The following MCMBP variants were observed in gnomAD, a reference collection of about 807,000 sequenced individuals.
The protein encoded by MCMBP is mini-chromosome maintenance complex-binding protein.
MCMBP carries 31 observed loss-of-function variants against 81.3 expected under a neutral mutation model. That is an observed-to-expected ratio of 0.38 (90% CI 0.29 to 0.51). The LOEUF is 0.51. Among genes scored for constraint, MCMBP ranks in the 20% least tolerant of loss-of-function variants. The pLI is 0.87. For missense variants in MCMBP, 645 were observed against 772.1 expected (o/e 0.84, Z 1.95); for synonymous variants, 267 against 275.9 (o/e 0.97, Z 0.32).
chr10:119,849,651 T>C, intron 6 of MCMBP, 75 bp from the exon 7 acceptor site: 1 of 1,390,694 alleles, frequency 7.2e-7, no homozygotes. Flanking sequence ...CATAAGTGCC[T>C]TTCAAGTTTG....
At chr10:119,872,232 C>T (rs1456607371) in intron 1 of MCMBP, among the ~76,000 whole-genome samples, 1 of 151,874 alleles carries the variant, frequency 6.6e-6, no homozygotes, top group African/African-American at 2.4e-5. Flanking sequence ...AGGCTGGGAG[C>T]GAGGCCGTCA....
intron 6 of MCMBP, among the ~76,000 whole-genome samples, chr10:119,850,266 C>G (rs566594448): frequency 5.3e-5 from 8 of 152,146 alleles, no homozygotes; most frequent in Admixed American, 1.3e-4. Context: ...CAATTCCATT[C>G]TTAAAATGAC....
At chr10:119,837,436 C>T (rs1005816172) in intron 12 of MCMBP, among the ~76,000 whole-genome samples, 11 of 152,104 alleles carry the variant, frequency 7.2e-5, no homozygotes, top group African/African-American at 2.4e-4. Context: ...CTCATTTTTT[C>T]TTCTACCTTT....
intron 6 of MCMBP, among the ~76,000 whole-genome samples, chr10:119,852,152 C>CAAAAAAAAAAA (rs34142128): frequency 3.8e-5 from 2 of 53,084 alleles, no homozygotes; most frequent in African/African-American, 1.8e-4. Flanking sequence ...AACTCTGTCT[C>CAAAAAAAAAAA]AAAAAAAAAA....
At chr10:119,845,053 T>C (rs1852570065) in intron 8 of MCMBP, among the ~76,000 whole-genome samples, 1 of 152,228 alleles carries the variant, frequency 6.6e-6, no homozygotes, top group Non-Finnish European at 1.5e-5. Flanking sequence ...TCATCTATCC[T>C]ATCAGTTCTG....
chr10:119,872,276 G>A (rs1245497573), intron 1 of MCMBP, among the ~76,000 whole-genome samples: 2 of 151,888 alleles, frequency 1.3e-5, no homozygotes, highest in East Asian at 2.0e-4. Context: ...CGCGCCCCAC[G>A]ACTTCACCTT....
At chr10:119,833,657 T>C (rs1037971363) in intron 14 of MCMBP, among the ~76,000 whole-genome samples, 1 of 152,000 alleles carries the variant, frequency 6.6e-6, no homozygotes, top group East Asian at 1.9e-4. Flanking sequence ...GGTGATACAG[T>C]GAGACCCCAC....
chr10:119,834,441 G>A lies in MCMBP; in HGVS notation c.1707+1099C>T, dbSNP rs573430803. ...GGTGGGAGGACATATTCGAAATGAT[G>A]AGACAAAGACTATAAACCAAGAATT... On this transcript the variant is annotated intron_variant, in intron 14 of 15. Transcript: ENST00000369077. Among the ~76,000 whole-genome samples, 6 of 152,234 alleles carry A rather than the reference G, an allele frequency of 3.9e-5. 2 individuals are homozygous for A. The South Asian group carries it at 1.2e-3, about 32-fold the overall frequency.
intron 1 of MCMBP, among the ~76,000 whole-genome samples, chr10:119,868,151 G>A (rs550168270): frequency 6.6e-5 from 10 of 152,284 alleles, no homozygotes; most frequent in Non-Finnish European, 8.8e-5. Flanking sequence ...GAGGCTGGGC[G>A]CAGCAGCTCA....
chr10:119,840,890 T>A lies in MCMBP; in HGVS notation c.1195A>T (p.Thr399Ser). ...ATTCGATACAAGTGTTCTGTGAAGG[T>A]ACTATTCCGTGGGCAACCACTCAAG... is the stretch of plus-strand genomic sequence containing the variant. ...VNLSGCPRNS[T>S]FTEHLYRIIQ... Residue 399 changes from threonine (T) to serine (S), a missense_variant, in exon 11 of 16, where the codon ACC becomes TCC. Thr to Ser is a moderately conservative substitution (Grantham distance 58). Transcript: ENST00000369077. 1 of 1,611,036 alleles carries A rather than the reference T, an allele frequency of 6.2e-7. No individual in the cohort carries two copies. The highest frequency in any genetic ancestry group is 8.5e-7 in the Non-Finnish European group (1 of 1,178,826).
chr10:119,872,256 AATCACAGCCCGCGC>A (rs933952680), intron 1 of MCMBP, among the ~76,000 whole-genome samples: 1 of 151,486 alleles, frequency 6.6e-6, no homozygotes, highest in Non-Finnish European at 1.5e-5. Context: ...ACAGCCCGCG[AATCACAGCCCGCGC>A]CCCACGACTT....
At chr10:119,859,954 G>T in intron 1 of MCMBP, 70 bp from the exon 2 acceptor site, 1 of 1,165,470 alleles carries the variant, frequency 8.6e-7, no homozygotes, top group Non-Finnish European at 1.2e-6. Context: ...GATCAGGTGA[G>T]TCACACAATA....
intron 6 of MCMBP, among the ~76,000 whole-genome samples, chr10:119,852,835 C>G (rs949971068): frequency 6.6e-6 from 1 of 152,244 alleles, no homozygotes; most frequent in Non-Finnish European, 1.5e-5. Context: ...ACTCCAAACA[C>G]ATACATCAGA....
At chr10:119,872,384 G>A (rs1298962098) in intron 1 of MCMBP, 143 bp downstream of exon 1, 1 of 327,068 alleles carries the variant, frequency 3.1e-6, no homozygotes, top group Non-Finnish European at 5.0e-6. Context: ...TCCCAGCTGG[G>A]GCCGGTGCAG....
intron 10 of MCMBP, 105 bp from the exon 11 acceptor site, chr10:119,841,065 A>G (rs1852414957): frequency 2.7e-6 from 2 of 732,094 alleles, no homozygotes; most frequent in East Asian, 5.1e-5. Context: ...TTAAAAATAA[A>G]CCAGAATATT....
intron 9 of MCMBP, 179 bp from the exon 10 acceptor site, chr10:119,842,774 T>C: frequency 1.6e-6 from 1 of 636,794 alleles, no homozygotes. Context: ...CTCCTTTTTT[T>C]TTTTTTTGAG....
chr10:119,866,826 G>A (rs1445666044), intron 1 of MCMBP, among the ~76,000 whole-genome samples: 2 of 152,130 alleles, frequency 1.3e-5, no homozygotes, highest in East Asian at 3.9e-4. Flanking sequence ...AGCTGGGTGT[G>A]GTGGCAGGCG....
At chr10:119,872,407 C>T (rs1040626722) in intron 1 of MCMBP, 120 bp downstream of exon 1, 2 of 485,430 alleles carry the variant, frequency 4.1e-6, no homozygotes, top group African/African-American at 2.1e-5. Context: ...CCCGGGGCCC[C>T]GTCTCGGGCC....
At chr10:119,838,839 G>A in intron 11 of MCMBP, 139 bp from the exon 12 acceptor site, 1 of 647,982 alleles carries the variant, frequency 1.5e-6, no homozygotes. Context: ...ATGGTTTCTT[G>A]AACTCCAGAA....
Sources: allele counts gnomAD v4.1 joint callset (sites outside exome capture counted in the v4.1 genomes callset), GRCh38; gene constraint gnomAD v4.1.1; transcripts MANE v1.5; gene names NCBI Gene and HGNC (gene_info 2026-07-23, HGNC 2026-07-21).